The following TXNRD2 variants were observed in gnomAD, a reference collection of about 807,000 sequenced individuals.
TXNRD2 encodes the protein thioredoxin reductase 2.
In TXNRD2, 67 loss-of-function variants were observed where a neutral mutation model predicts 70.8. The observed-to-expected ratio is 0.95, with a 90% CI of 0.78 to 1.16. TXNRD2 has a LOEUF of 1.16. Among genes scored for constraint, TXNRD2 ranks in the 50% most tolerant of loss-of-function variants. The pLI, the probability that TXNRD2 is intolerant of heterozygous loss-of-function variation, is 0.00. For synonymous variants in TXNRD2, 301 were observed against 295.8 expected (o/e 1.02, Z -0.18); for missense variants, 644 against 719.9 (o/e 0.89, Z 1.21).
At chr22:19,915,315 C>T (rs775846839) in intron 6 of TXNRD2, 39 bp from the exon 7 acceptor site, 2 of 1,598,298 alleles carry the variant, frequency 1.3e-6, no homozygotes, top group South Asian at 1.1e-5. Context: ...CAGACAGGTG[C>T]ATGGTGATCA....
chr22:19,894,909 A>C (rs1601408552), intron 11 of TXNRD2: 9 of 1,035,248 alleles, frequency 8.7e-6, no homozygotes, highest in Non-Finnish European at 1.2e-5. Flanking sequence ...AATCGCTTGA[A>C]CCCGGGAGGC....
At chr22:19,878,900 T>C (rs1210533683) in intron 14 of TXNRD2, among the ~76,000 whole-genome samples, 1 of 152,058 alleles carries the variant, frequency 6.6e-6, no homozygotes, top group East Asian at 1.9e-4. Context: ...GCCGGAGCTG[T>C]TGGACAAAGG....
intron 6 of TXNRD2, 126 bp from the exon 7 acceptor site, chr22:19,915,402 G>C: frequency 1.0e-6 from 1 of 991,722 alleles, no homozygotes; most frequent in Non-Finnish European, 1.6e-6. Flanking sequence ...TGGACCCTTG[G>C]CCAGCAGTTC....
intron 8 of TXNRD2, among the ~76,000 whole-genome samples, chr22:19,909,826 A>T (rs544187746): frequency 0.012 from 1,304 of 108,654 alleles, 40 homozygotes; most frequent in South Asian, 0.027. Context: ...CACACACCAC[A>T]CACCACACAC....
intron 1 of TXNRD2, among the ~76,000 whole-genome samples, chr22:19,941,064 G>T (rs1415824234): frequency 6.6e-6 from 1 of 152,112 alleles, no homozygotes; most frequent in Admixed American, 6.5e-5. Context: ...GGGTCGAGGG[G>T]CCCCCTGCAT....
chr22:19,915,207 C>CA lies in TXNRD2; in HGVS notation c.591+6dup. ...CAGCAGGGACGCTATGCTCTGGGGA[C>CA]ACTCACGTGCGTGGGGTATCTCGGC... On this transcript the variant is annotated splice_region_variant and intron_variant, in intron 7 of 17. Coordinates refer to ENST00000400521, the MANE Select transcript of TXNRD2 (RefSeq NM_006440.5). 3.7e-6 allele frequency: 6 copies of CA among 1,613,554 alleles called. No individual in the cohort carries two copies. Among genetic ancestry groups the CA allele is most frequent in the Non-Finnish European group, 4.2e-6 (5 of 1,179,778 alleles).
intron 1 of TXNRD2, among the ~76,000 whole-genome samples, chr22:19,931,445 A>C (rs1434049377): frequency 6.6e-6 from 1 of 152,132 alleles, no homozygotes; most frequent in Non-Finnish European, 1.5e-5. Context: ...TCACTCTGTC[A>C]CCCAGAAGAT....
At chr22:19,920,537 C>T (rs1940858838) in intron 2 of TXNRD2, among the ~76,000 whole-genome samples, 1 of 151,506 alleles carries the variant, frequency 6.6e-6, no homozygotes, top group South Asian at 2.1e-4. Context: ...GAGCAGAGAT[C>T]ACACCACTGT....
At chr22:19,909,936 TCA>T (rs1197731872) in intron 8 of TXNRD2, among the ~76,000 whole-genome samples, 1 of 35,434 alleles carries the variant, frequency 2.8e-5, no homozygotes, top group Non-Finnish European at 5.5e-5. Flanking sequence ...CACACACCAC[TCA>T]CACACCACAC....
chr22:19,896,636 C>T (rs1182998355), intron 10 of TXNRD2, among the ~76,000 whole-genome samples: 1 of 152,232 alleles, frequency 6.6e-6, no homozygotes, highest in African/African-American at 2.4e-5. Context: ...CCTGTGCGCC[C>T]CAAGTCCAGC....
chr22:19,917,195 T>C (rs929426213), intron 5 of TXNRD2, among the ~76,000 whole-genome samples: 1 of 152,128 alleles, frequency 6.6e-6, no homozygotes, highest in Non-Finnish European at 1.5e-5. Context: ...GAGCAGGCAG[T>C]GGGCTGGGCC....
At chr22:19,920,091 T>C (rs569361712) in intron 2 of TXNRD2, among the ~76,000 whole-genome samples, 2 of 152,268 alleles carry the variant, frequency 1.3e-5, no homozygotes, top group Admixed American at 6.5e-5. Flanking sequence ...TAGGTGGGCA[T>C]TCGCTGCCTC....
At chr22:19,909,696 TCA>T (rs752043950) in intron 8 of TXNRD2, among the ~76,000 whole-genome samples, 23 of 65,980 alleles carry the variant, frequency 3.5e-4, no homozygotes, top group African/African-American at 6.7e-4. Context: ...CACACACTGC[TCA>T]CACACACCAC....
chr22:19,935,170 A>G (rs951473711), intron 1 of TXNRD2, among the ~76,000 whole-genome samples: 1 of 152,194 alleles, frequency 6.6e-6, no homozygotes, highest in Non-Finnish European at 1.5e-5. Flanking sequence ...AGATATCGCT[A>G]AATTCTTTTC....
chr22:19,880,486 C>A, intron 13 of TXNRD2, 136 bp downstream of exon 13: 1 of 899,118 alleles, frequency 1.1e-6, no homozygotes, highest in Non-Finnish European at 1.8e-6. Context: ...GTACAACACA[C>A]CCACATAAGC....
rs576769259 is a variant in TXNRD2, at chr22:19,941,649, A to G, written c.103+52T>C. 2.0e-4 allele frequency: 283 copies of G among 1,410,662 alleles called. 1 individual carries two copies. The East Asian group carries it at 7.0e-3, about 35-fold the overall frequency. 87.4% of individuals were successfully genotyped at this position (1,410,662 alleles called of 1,614,324 possible). A position where few individuals can be genotyped will look rare whatever the true frequency, so the allele number is the denominator to read the frequency against. On this transcript the variant is annotated intron_variant, in intron 1 of 17. Transcript: ENST00000400521. ...CCGCCGCGCGGACACCCTCACGAGG[A>G]CACCCCGGCCGCGCGGACACCTACC...
chr22:19,912,928 CT>C (rs1319534482), intron 7 of TXNRD2, among the ~76,000 whole-genome samples: 2 of 152,242 alleles, frequency 1.3e-5, no homozygotes, highest in Non-Finnish European at 2.9e-5. Context: ...CGGACTGCCC[CT>C]GGGTCTAAGT....
chr22:19,878,440 G>A lies in TXNRD2; in HGVS notation c.1276-3C>T, dbSNP rs1231437795. 1.2e-6 allele frequency: 2 copies of A among 1,613,304 alleles called. No homozygotes were observed. Among genetic ancestry groups the A allele is most frequent in the African/African-American group, 1.3e-5 (1 of 74,944 alleles). Reference sequence around the variant, plus strand: ...GGTTTATAATGGGCGTGATAGACCTGAGGACAGGATACCAACCCTGGATCA... The same window carrying A: ...GGTTTATAATGGGCGTGATAGACCTAAGGACAGGATACCAACCCTGGATCA... On this transcript the variant is annotated splice_region_variant and splice_polypyrimidine_tract_variant and intron_variant, in intron 14 of 17. Transcript: ENST00000400521.
chr22:19,923,391 A>G (rs1306332177), intron 2 of TXNRD2, among the ~76,000 whole-genome samples: 1 of 152,160 alleles, frequency 6.6e-6, no homozygotes, highest in African/African-American at 2.4e-5. Context: ...CGATGCTCCC[A>G]GTAGGAAGTC....
Sources: gnomAD v4.1 joint callset for allele counts (sites outside exome capture counted in the v4.1 genomes callset) on GRCh38, gnomAD v4.1.1 for gene constraint, MANE v1.5 for transcripts, NCBI Gene and HGNC (gene_info 2026-07-23, HGNC 2026-07-21) for gene names.